The following PCDHGA4 variants were observed in gnomAD, a reference collection of about 807,000 sequenced individuals.
PCDHGA4 encodes protocadherin gamma-A4.
A neutral mutation model predicts 54.6 loss-of-function variants in PCDHGA4; 38 were observed. That is an observed-to-expected ratio of 0.70 (90% CI 0.54 to 0.91). PCDHGA4 has a LOEUF of 0.91. Ranked by LOEUF, PCDHGA4 falls within the 40% of genes least tolerant of loss-of-function variation. The probability of loss-of-function intolerance (pLI) is 0.00; values close to 1 mark genes in which losing one functional copy is unlikely to be tolerated. For synonymous variants in PCDHGA4, 511 were observed against 512.9 expected, an observed-to-expected ratio of 1.00 and a Z score of 0.05; for missense variants, 1,298 against 1,220.9, an observed-to-expected ratio of 1.06 and a Z score of -0.94.
intron 1 of PCDHGA4, chr5:141,391,595 T>C (rs1353226414): frequency 6.6e-6 from 1 of 152,188 alleles, no homozygotes; most frequent in Non-Finnish European, 1.5e-5. Flanking sequence ...AAATATAAAG[T>C]TTTCAGATTT....
chr5:141,367,668 G>T (rs1218712700), intron 1 of PCDHGA4: 2 of 152,216 alleles, frequency 1.3e-5, no homozygotes, highest in East Asian at 3.9e-4. Flanking sequence ...TGGATATGTG[G>T]GCTTGTTGAG....
chr5:141,414,408 C>A (rs1190630924), intron 1 of PCDHGA4: 1 of 1,613,752 alleles, frequency 6.2e-7, no homozygotes, highest in Non-Finnish European at 8.5e-7. Context: ...TGGTGATACA[C>A]AGAGCCCTTG....
intron 1 of PCDHGA4, chr5:141,395,547 TGTGTGTGTGTGTGTGTG>T (rs2093270399): frequency 1.4e-4 from 25 of 174,246 alleles, no homozygotes; most frequent in Middle Eastern, 2.2e-3. Context: ...ATTGTTTGTG[TGTGTGTGTGTGTGTGTG>T]TGTGTGTGTG....
intron 1 of PCDHGA4, chr5:141,427,741 C>T (rs748636652): frequency 8.1e-7 from 1 of 1,240,376 alleles, no homozygotes; most frequent in Non-Finnish European, 1.2e-6. Context: ...GGCCAAGTCT[C>T]CTACTCCATC....
intron 1 of PCDHGA4, chr5:141,413,659 A>G (rs2095663872): frequency 1.2e-6 from 2 of 1,613,830 alleles, no homozygotes; most frequent in African/African-American, 1.3e-5. Flanking sequence ...CCCGGAAGCT[A>G]TTGATCCGGA....
chr5:141,418,822 A>C (rs780172404), intron 1 of PCDHGA4: 9 of 1,613,988 alleles, frequency 5.6e-6, no homozygotes, highest in Non-Finnish European at 7.6e-6. Flanking sequence ...ACATAGAAGC[A>C]AAAGACCGAG....
intron 1 of PCDHGA4, among the ~76,000 whole-genome samples, chr5:141,482,899 T>C (rs1238389686): frequency 1.3e-5 from 2 of 152,076 alleles, no homozygotes; most frequent in Non-Finnish European, 2.9e-5. Context: ...TGGTGAAACC[T>C]CATCTCTATT....
chr5:141,452,929 G>A (rs2154564099), intron 1 of PCDHGA4, among the ~76,000 whole-genome samples: 1 of 152,310 alleles, frequency 6.6e-6, no homozygotes, highest in Admixed American at 6.5e-5. Flanking sequence ...AAGAGCTGCT[G>A]AAGATTTGCT....
intron 1 of PCDHGA4, among the ~76,000 whole-genome samples, chr5:141,469,206 A>T (rs752389937): frequency 6.6e-6 from 1 of 150,920 alleles, no homozygotes; most frequent in African/African-American, 2.4e-5. Flanking sequence ...AGCCTTTTGA[A>T]GTTGAGGCTT....
At chr5:141,413,716 C>T in intron 1 of PCDHGA4, 2 of 1,613,608 alleles carry the variant, frequency 1.2e-6, no homozygotes, top group Non-Finnish European at 1.7e-6. Flanking sequence ...CCCCAATAAG[C>T]ACTTCTCCCT....
intron 1 of PCDHGA4, chr5:141,382,748 C>T (rs753044238): frequency 2.3e-5 from 14 of 606,870 alleles, no homozygotes; most frequent in Non-Finnish European, 3.6e-5. Context: ...CGACAGATTG[C>T]GATAAGCCCT....
At chr5:141,409,434 A>T in intron 1 of PCDHGA4, 2 of 1,613,992 alleles carry the variant, frequency 1.2e-6, no homozygotes, top group Non-Finnish European at 1.7e-6. Context: ...GGAGCCCTGG[A>T]CCGAGAGCAG....
chr5:141,358,939 G>T (rs980584338), intron 1 of PCDHGA4, among the ~76,000 whole-genome samples: 1 of 152,226 alleles, frequency 6.6e-6, no homozygotes, highest in South Asian at 2.1e-4. Flanking sequence ...CAACACTTTT[G>T]TTCTTTGTGC....
intron 1 of PCDHGA4, chr5:141,399,170 T>C (rs1159402714): frequency 6.2e-7 from 1 of 1,613,798 alleles, no homozygotes. Flanking sequence ...TTCCATTCTC[T>C]ACTTGAAATG....
Position 141,485,064 on chromosome 5 carries a change from G to C in PCDHGA4, c.2515-9743G>C, listed in dbSNP as rs1205637757. On this transcript the variant is annotated intron_variant, in intron 1 of 3. Transcript: ENST00000571252. The surrounding 1 kb of genome is among the most constrained non-coding windows in gnomAD (Gnocchi z 5.7). ...TTGCGGCGCCGGCCGAACCGCGCCA[G>C]AGCTGGCGCGGGGAAAGGGAGATAG... The C allele has an allele frequency of 4.9e-5, 43 of 882,320 alleles. No individual in the cohort carries two copies. The highest frequency in any genetic ancestry group is 7.4e-5 in the Non-Finnish European group (41 of 557,230). 54.7% of individuals were successfully genotyped at this position (882,320 alleles called of 1,614,324 possible).
intron 1 of PCDHGA4, chr5:141,370,713 GA>G (rs1767141333): frequency 6.2e-7 from 1 of 1,613,856 alleles, no homozygotes; most frequent in African/African-American, 1.3e-5. Context: ...TCTGGAATTT[GA>G]AATGGTTGCT....
At chr5:141,412,903 G>C (rs2095586511) in intron 1 of PCDHGA4, 1 of 376,030 alleles carries the variant, frequency 2.7e-6, no homozygotes, top group African/African-American at 2.1e-5. Context: ...ACTTTCCATT[G>C]CATGTATCAC....
chr5:141,364,219 G>A lies in PCDHGA4; in HGVS notation c.2514+6598G>A, dbSNP rs1277207859. 4.5e-6 allele frequency: 6 copies of A among 1,322,924 alleles called. No individual in the cohort carries two copies. In the Admixed American group the frequency reaches 1.8e-4, roughly 41 times the overall value. 81.9% of individuals were successfully genotyped at this position (1,322,924 alleles called of 1,614,324 possible). On this transcript the variant is annotated intron_variant, in intron 1 of 3. Coordinates refer to ENST00000571252, the MANE Select transcript of PCDHGA4 (RefSeq NM_018917.4). The stretch of plus-strand genomic sequence containing the variant: ...CAGACCAGACAAGCTCCTACGAAAA[G>A]CCAACGCTCCACGCCCATTTTCGTC...
At position 141,356,674 on chromosome 5, in the gene PCDHGA4, G is replaced by T. The variant is rs182109278; in HGVS notation, c.1567G>T (p.Ala523Ser). The change falls in exon 1 of 4, where the codon GCC (alanine) becomes TCC (serine). Residue 523 changes from alanine (A) to serine (S), a missense_variant. Transcript: ENST00000571252. Reference protein sequence around the residue: ...GDNARITYSLAEDTFQGAPLS... With the variant: ...GDNARITYSLSEDTFQGAPLS... ...CAATGCCCGAATCACTTACTCCCTG[G>T]CCGAAGACACCTTCCAGGGTGCACC... 76 of 1,613,934 alleles carry T rather than the reference G, an allele frequency of 4.7e-5. No individual in the cohort carries two copies. The East Asian group carries it at 1.6e-3, about 34-fold the overall frequency.
Sources: allele counts gnomAD v4.1 joint callset (sites outside exome capture counted in the v4.1 genomes callset), GRCh38; gene constraint gnomAD v4.1.1; non-coding constraint Gnocchi (gnomAD v3.1); transcripts MANE v1.5; gene names NCBI Gene and HGNC (gene_info 2026-07-23, HGNC 2026-07-21).